The following CCDC150 variants were observed in gnomAD, a reference collection of about 807,000 sequenced individuals.
CCDC150 encodes coiled-coil domain-containing protein 150.
In CCDC150, 151 loss-of-function variants were observed where a neutral mutation model predicts 156.5. The observed-to-expected ratio is 0.97, with a 90% CI of 0.85 to 1.10. The LOEUF (loss-of-function observed/expected upper bound fraction) is 1.10. CCDC150 is among the 50% of genes least tolerant of loss of function. CCDC150 has a pLI of 0.00. For missense variants in CCDC150, 1,312 were observed against 1,268.1 expected, an observed-to-expected ratio of 1.03 and a Z score of -0.53; for synonymous variants, 452 against 429.4, an observed-to-expected ratio of 1.05 and a Z score of -0.65.
intron 22 of CCDC150, chr2:196,726,757 TGAAAAGTA>T (rs1437633194): frequency 6.6e-6 from 1 of 152,378 alleles, no homozygotes; most frequent in African/African-American, 2.4e-5. Flanking sequence ...TGTGAGCAGA[TGAAAAGTA>T]GCCTTTCTTG....
rs759358227 is a variant in CCDC150, at chr2:196,718,497, A to T, written c.1867-6A>T. The stretch of plus-strand genomic sequence containing the variant: ...TGTTATTTATTGTTTCTTTTTTCCT[A>T]CTTAGGTGAAATCTATTCTTGAAAG... On this transcript the variant is annotated splice_polypyrimidine_tract_variant and splice_region_variant and intron_variant, in intron 17 of 27. Transcript: ENST00000389175. 1 of 1,598,354 alleles carries T rather than the reference A, an allele frequency of 6.3e-7. No homozygotes were observed. Among genetic ancestry groups the T allele is most frequent in the African/African-American group, 1.3e-5 (1 of 74,612 alleles).
At chr2:196,695,010 G>A (rs543154874) in intron 13 of CCDC150, 36 bp from the exon 14 acceptor site, 49 of 1,111,804 alleles carry the variant, frequency 4.4e-5, no homozygotes, top group South Asian at 5.4e-5. Flanking sequence ...TGCATCTGGC[G>A]TAAATAGTTT....
At chr2:196,670,764 A>G (rs887407010) in intron 8 of CCDC150, among the ~76,000 whole-genome samples, 1 of 152,172 alleles carries the variant, frequency 6.6e-6, no homozygotes, top group African/African-American at 2.4e-5. Context: ...TGATATAAAG[A>G]TACTAGGTAT....
intron 6 of CCDC150, among the ~76,000 whole-genome samples, chr2:196,666,375 T>A (rs1559225546): frequency 1.3e-5 from 2 of 152,216 alleles, no homozygotes; most frequent in African/African-American, 4.8e-5. Context: ...TTGCAAATGA[T>A]CCTTTGTTGC....
At chr2:196,697,501 C>T (rs1433732011) in intron 14 of CCDC150, among the ~76,000 whole-genome samples, 1 of 152,070 alleles carries the variant, frequency 6.6e-6, no homozygotes, top group Admixed American at 6.6e-5. Flanking sequence ...AATTGTAGCA[C>T]CAGACAGGAA....
intron 14 of CCDC150, among the ~76,000 whole-genome samples, chr2:196,696,595 C>T (rs1413959301): frequency 6.6e-6 from 1 of 152,178 alleles, no homozygotes; most frequent in Non-Finnish European, 1.5e-5. Context: ...ATTACAGGTT[C>T]CCAATGATGA....
intron 15 of CCDC150, among the ~76,000 whole-genome samples, chr2:196,703,507 C>A (rs1259661886): frequency 6.6e-6 from 1 of 152,126 alleles, no homozygotes; most frequent in African/African-American, 2.4e-5. Context: ...GATAAGCACA[C>A]CTCTCTTATC....
intron 15 of CCDC150, among the ~76,000 whole-genome samples, chr2:196,705,911 A>G (rs541683192): frequency 2.0e-5 from 3 of 152,270 alleles, no homozygotes; most frequent in East Asian, 1.9e-4. Flanking sequence ...ATTGGTCTAT[A>G]TATCTGTTTT....
chr2:196,640,038 A>G (rs188099082), intron 1 of CCDC150, among the ~76,000 whole-genome samples: 4 of 152,316 alleles, frequency 2.6e-5, no homozygotes, highest in African/African-American at 9.6e-5. Flanking sequence ...TAAGCCCAAT[A>G]CCACCTTTAT....
chr2:196,691,076 CT>C (rs35816268), intron 13 of CCDC150, among the ~76,000 whole-genome samples: 109,475 of 151,482 alleles, frequency 0.72, 40,237 homozygotes, highest in East Asian at 0.95. Flanking sequence ...GGCAGATAAG[CT>C]TTTCGATATG....
At position 196,639,720 on chromosome 2, in the gene CCDC150, C is replaced by T. The variant is rs1232784568; in HGVS notation, c.-47C>T. ...TTGGTTTAAAATGCTGTGTTAGTTC[C>T]ACGGAAACCCGCTCGCCTGCTGCAG... On this transcript the variant is annotated 5_prime_UTR_variant, in exon 1 of 28. Transcript: ENST00000389175. 3 of 1,512,856 alleles carry T rather than the reference C, an allele frequency of 2.0e-6. No individual in the cohort carries two copies. The highest frequency in any genetic ancestry group is 1.8e-4 in the Middle Eastern group (1 of 5,496). 93.7% of individuals were successfully genotyped at this position (1,512,856 alleles called of 1,614,324 possible). A position where few individuals can be genotyped will look rare whatever the true frequency, so the allele number is the denominator to read the frequency against.
intron 13 of CCDC150, among the ~76,000 whole-genome samples, chr2:196,681,397 C>T (rs1178178482): frequency 2.0e-5 from 3 of 152,150 alleles, no homozygotes; most frequent in Admixed American, 2.0e-4. Flanking sequence ...AACATTTACA[C>T]TGTTTTTACC....
At position 196,726,114 on chromosome 2, in the gene CCDC150, A is replaced by G. The variant is rs1298311900; in HGVS notation, c.2556+15A>G. The stretch of plus-strand genomic sequence containing the variant: ...AAGTGGCTGAGGTATAGTCATGAGA[A>G]AAGTTTCTCTTTTGGTGAATGCCTC... On this transcript the variant is annotated intron_variant, in intron 22 of 27. Transcript: ENST00000389175. 6.2e-7 allele frequency: 1 copy of G among 1,611,840 alleles called. No individual in the cohort carries two copies.
At chr2:196,653,185 C>T (rs569339693) in intron 2 of CCDC150, among the ~76,000 whole-genome samples, 2 of 152,256 alleles carry the variant, frequency 1.3e-5, no homozygotes, top group Non-Finnish European at 2.9e-5. Context: ...CAAATGGTTG[C>T]TCCACAGGCC....
intron 17 of CCDC150, among the ~76,000 whole-genome samples, chr2:196,716,304 A>G (rs1697497315): frequency 6.6e-6 from 1 of 152,230 alleles, no homozygotes; most frequent in Admixed American, 6.5e-5. Flanking sequence ...ACAGACTTGT[A>G]CACAGGTGTT....
intron 15 of CCDC150, among the ~76,000 whole-genome samples, chr2:196,702,230 T>TA (rs1412302730): frequency 1.3e-5 from 2 of 151,928 alleles, no homozygotes; most frequent in Non-Finnish European, 2.9e-5. Context: ...GCCTGGGTGA[T>TA]AGAGTGAGAC....
In CCDC150 at chr2:196,712,228, G is replaced by A; in HGVS notation, c.1779G>A (p.Lys593=). The A allele has an allele frequency of 6.4e-7, 1 of 1,557,200 alleles. No individual in the cohort carries two copies. The highest frequency in any genetic ancestry group is 8.7e-7 in the Non-Finnish European group (1 of 1,143,508). Reference sequence around the variant, plus strand: ...ATGATCATCTACGCAAGATGAATAAGTATTTACAGACTAAATATGCTCAGG... The same window carrying A: ...ATGATCATCTACGCAAGATGAATAAATATTTACAGACTAAATATGCTCAGG... The part of the protein sequence containing the change: ...LQNDHLRKMN[K]YLQTKYAQAN... The change falls in exon 16 of 28, where the codon AAG becomes AAA. Residue 593 remains lysine (K), a synonymous_variant. Transcript: ENST00000389175.
chr2:196,716,200 G>A (rs1482016099), intron 17 of CCDC150, among the ~76,000 whole-genome samples: 2 of 152,072 alleles, frequency 1.3e-5, no homozygotes, highest in Non-Finnish European at 2.9e-5. Context: ...AAATAGTTTG[G>A]GAATTTCTTT....
Position 196,713,510 on chromosome 2 carries a change from C to T in CCDC150, c.1866+771C>T, listed in dbSNP as rs760556439. ...CTCTACACGCCGTGTGAGCTTTGCACCTAACCTGCCTTCTATGAAAACATC... is the reference window on the plus strand; with the variant it reads ...CTCTACACGCCGTGTGAGCTTTGCATCTAACCTGCCTTCTATGAAAACATC... On this transcript the variant is annotated intron_variant, in intron 17 of 27. Transcript: ENST00000389175. The T allele has an allele frequency of 2.2e-5, 34 of 1,550,594 alleles. No homozygotes were observed. The Middle Eastern group carries it at 1.3e-3, about 61-fold the overall frequency.
Sources: gnomAD v4.1 joint callset for allele counts (sites outside exome capture counted in the v4.1 genomes callset) on GRCh38, gnomAD v4.1.1 for gene constraint, MANE v1.5 for transcripts, NCBI Gene and HGNC (gene_info 2026-07-23, HGNC 2026-07-21) for gene names.